Variants in TENM3 observed in about 807,000 individuals in gnomAD.
TENM3 encodes the protein teneurin transmembrane protein 3.
TENM3 carries 63 observed loss-of-function variants against 255.1 expected under a neutral mutation model. The ratio of observed to expected loss-of-function variants is 0.25; its 90% CI spans 0.20 to 0.30. TENM3 has a LOEUF of 0.30. Among genes scored for constraint, TENM3 ranks in the 10% least tolerant of loss-of-function variants. The pLI, the probability that TENM3 is intolerant of heterozygous loss-of-function variation, is 1.00. For synonymous variants in TENM3, 1,306 were observed against 1,322.3 expected, an observed-to-expected ratio of 0.99 and a Z score of 0.27; for missense variants, 2,929 against 3,461.1, an observed-to-expected ratio of 0.85 and a Z score of 3.86.
chr4:182,245,114 CT>C (rs1470292935), intron 1 of TENM3, among the ~76,000 whole-genome samples: 4 of 152,154 alleles, frequency 2.6e-5, no homozygotes, highest in Non-Finnish European at 5.9e-5. Context: ...AGGTCACTTG[CT>C]ATGGGAATAC....
At chr4:182,648,088 G>GTCT in intron 5 of TENM3, among the ~76,000 whole-genome samples, 2 of 152,062 alleles carry the variant, frequency 1.3e-5, no homozygotes, top group Middle Eastern at 6.8e-3. Flanking sequence ...CTTCTGTACT[G>GTCT]TCTTCACTCT....
the TENM3 span, among the ~76,000 whole-genome samples, chr4:181,916,768 T>C: frequency 6.6e-6 from 1 of 151,996 alleles, no homozygotes; most frequent in Non-Finnish European, 1.5e-5. Context: ...TCCCAGCTAC[T>C]TGGAAGGCTG....
the TENM3 span, among the ~76,000 whole-genome samples, chr4:181,670,994 G>T: frequency 6.6e-6 from 1 of 152,124 alleles, no homozygotes; most frequent in Non-Finnish European, 1.5e-5. Context: ...ACACTATAAA[G>T]AATACATATT....
At chr4:182,042,950 G>T in the TENM3 span, among the ~76,000 whole-genome samples, 4 of 151,172 alleles carry the variant, frequency 2.6e-5, no homozygotes, top group Non-Finnish European at 1.5e-5. Flanking sequence ...AGAGTTTTTT[G>T]CTATTCCATT....
chr4:181,941,218 G>A, the TENM3 span, among the ~76,000 whole-genome samples: 27 of 152,050 alleles, frequency 1.8e-4, no homozygotes, highest in South Asian at 1.2e-3. Flanking sequence ...CTGAAAACTC[G>A]TGTCTTTAAA....
chr4:181,879,023 TA>T, the TENM3 span, among the ~76,000 whole-genome samples: 12 of 152,172 alleles, frequency 7.9e-5, no homozygotes, highest in Non-Finnish European at 7.3e-5. Flanking sequence ...ATCAACTCCT[TA>T]CTTAGTTTCA....
intron 3 of TENM3, among the ~76,000 whole-genome samples, chr4:182,357,636 G>C (rs1010725726): frequency 2.7e-5 from 4 of 149,746 alleles, no homozygotes; most frequent in Admixed American, 1.3e-4. Flanking sequence ...CAGATGAGTA[G>C]GTTGCGAAAC....
upstream of TENM3, among the ~76,000 whole-genome samples, chr4:182,139,497 T>C (rs1944188413): frequency 6.6e-6 from 1 of 152,246 alleles, no homozygotes; most frequent in Non-Finnish European, 1.5e-5. Context: ...GTCACTATTG[T>C]ATCATAAACC....
chr4:181,513,316 C>T, the TENM3 span, among the ~76,000 whole-genome samples: 54,442 of 151,934 alleles, frequency 0.36, 9,889 homozygotes, highest in African/African-American at 0.42. Context: ...AAGGATCTTA[C>T]AGGCTTTTAA....
the TENM3 span, among the ~76,000 whole-genome samples, chr4:182,003,925 A>T: frequency 3.7e-4 from 56 of 152,286 alleles, no homozygotes; most frequent in South Asian, 2.5e-3. Flanking sequence ...GCTAAAAAAA[A>T]AAATAAATCT....
intron 3 of TENM3, among the ~76,000 whole-genome samples, chr4:182,509,207 C>G (rs1328203520): frequency 6.6e-6 from 1 of 152,130 alleles, no homozygotes; most frequent in African/African-American, 2.4e-5. Flanking sequence ...TGAAAATTAC[C>G]TTTGCTGACA....
At chr4:182,466,817 A>G (rs1732641716) in intron 3 of TENM3, among the ~76,000 whole-genome samples, 1 of 79,350 alleles carries the variant, frequency 1.3e-5, no homozygotes, top group African/African-American at 4.5e-5. Flanking sequence ...AAAAGGATAC[A>G]AGAAGGTAAA....
At chr4:181,965,081 T>C in the TENM3 span, among the ~76,000 whole-genome samples, 2 of 152,202 alleles carry the variant, frequency 1.3e-5, no homozygotes, top group African/African-American at 2.4e-5. Context: ...ATGTGTAAAA[T>C]ATTTCCTGAT....
the TENM3 span, among the ~76,000 whole-genome samples, chr4:181,724,196 G>C: frequency 6.6e-6 from 1 of 152,250 alleles, no homozygotes; most frequent in East Asian, 1.9e-4. Flanking sequence ...TTTTGTTGTG[G>C]GTAAGAAATG....
the TENM3 span, among the ~76,000 whole-genome samples, chr4:181,584,210 C>G: frequency 2.0e-5 from 3 of 152,134 alleles, no homozygotes; most frequent in Non-Finnish European, 4.4e-5. Flanking sequence ...AAGGATCCAG[C>G]TATAAAAGAG....
At chr4:182,080,300 C>T in the TENM3 span, among the ~76,000 whole-genome samples, 60 of 151,946 alleles carry the variant, frequency 3.9e-4, no homozygotes, top group African/African-American at 1.3e-3. Flanking sequence ...ATTACACAGC[C>T]ATTAAAAAAG....
chr4:182,564,553 T>TTTG, intron 3 of TENM3, among the ~76,000 whole-genome samples: 1 of 148,506 alleles, frequency 6.7e-6, no homozygotes, highest in East Asian at 2.0e-4. Flanking sequence ...GGTGTTTTCG[T>TTTG]TTGTTTTTTT....
At chr4:182,309,220 A>C (rs1387924644) in intron 1 of TENM3, among the ~76,000 whole-genome samples, 1 of 152,184 alleles carries the variant, frequency 6.6e-6, no homozygotes, top group Admixed American at 6.5e-5. Flanking sequence ...GTTGACGGAG[A>C]CACCTGCATT....
intron 3 of TENM3, among the ~76,000 whole-genome samples, chr4:182,572,146 C>T (rs1744445608): frequency 6.6e-6 from 1 of 152,186 alleles, no homozygotes; most frequent in African/African-American, 2.4e-5. Flanking sequence ...AGGTGATCTG[C>T]CCACCTCTGC....
Sources: allele counts gnomAD v4.1 joint callset (sites outside exome capture counted in the v4.1 genomes callset), GRCh38; gene constraint gnomAD v4.1.1; transcripts MANE v1.5; gene names NCBI Gene and HGNC (gene_info 2026-07-23, HGNC 2026-07-21).